The following XPO1 variants were observed in gnomAD, a reference collection of about 807,000 sequenced individuals.
The protein encoded by XPO1 is exportin-1.
In XPO1, 5 loss-of-function variants were observed where a neutral mutation model predicts 133.3. The ratio of observed to expected loss-of-function variants is 0.04; its 90% confidence interval spans 0.02 to 0.08. XPO1 has a LOEUF of 0.08. XPO1 is among the 10% of genes least tolerant of loss of function. The pLI, the probability that XPO1 is intolerant of heterozygous loss-of-function variation, is 1.00. For missense variants in XPO1, 506 were observed against 1,267.5 expected, an observed-to-expected ratio of 0.40 and a Z score of 9.12; for synonymous variants, 419 against 408.2, an observed-to-expected ratio of 1.03 and a Z score of -0.32.
chr2:61,488,798 T>G (rs750213130), intron 17 of XPO1, 27 bp from the exon 18 acceptor site: 2 of 1,610,012 alleles, frequency 1.2e-6, no homozygotes, highest in Non-Finnish European at 1.7e-6. Flanking sequence ...CAAATTCCAT[T>G]TATCATATAA....
intron 4 of XPO1, among the ~76,000 whole-genome samples, chr2:61,519,600 G>A (rs1698583566): frequency 6.8e-6 from 1 of 147,190 alleles, no homozygotes; most frequent in South Asian, 2.1e-4. Context: ...TCAGGAGGCT[G>A]AGACAGGAGA....
At position 61,538,259 on chromosome 2, in the gene XPO1, A is replaced by G. The variant is rs1699443874; in HGVS notation, c.-704T>C. The G allele has an allele frequency of 6.3e-6, 1 of 157,754 alleles. No individual in the cohort carries two copies. The highest frequency in any genetic ancestry group is 1.4e-5 in the Non-Finnish European group (1 of 71,768). 9.8% of individuals were successfully genotyped at this position (157,754 alleles called of 1,614,324 possible). A position where few individuals can be genotyped will look rare whatever the true frequency, so the allele number is the denominator to read the frequency against. Reference sequence around the variant, plus strand: ...TGCAGCCGCTTCTCCCCCTCCTCCTAGTGCCTCAAACTCGGAACCGGTTGA... The same window carrying G: ...TGCAGCCGCTTCTCCCCCTCCTCCTGGTGCCTCAAACTCGGAACCGGTTGA... On this transcript the variant is annotated 5_prime_UTR_variant, in exon 1 of 25. An upstream open reading frame in the 5' UTR loses its in-frame stop. Transcript: ENST00000401558.
chr2:61,516,640 C>T (rs569485777), intron 4 of XPO1, among the ~76,000 whole-genome samples: 103 of 152,040 alleles, frequency 6.8e-4, no homozygotes, highest in African/African-American at 2.2e-3. Flanking sequence ...TCTCGAACTC[C>T]GGACCTCAGG....
chr2:61,531,743 G>A (rs994451371), intron 2 of XPO1, among the ~76,000 whole-genome samples: 4 of 152,192 alleles, frequency 2.6e-5, no homozygotes, highest in African/African-American at 7.2e-5. Flanking sequence ...ATGCATCCAT[G>A]CTAGAAGAAA....
In XPO1 at chr2:61,493,963, C is replaced by G. The variant is rs987356613; in HGVS notation, c.1176G>C (p.Pro392=). 1.2e-6 allele frequency: 2 copies of G among 1,613,944 alleles called. No homozygotes were observed. The highest frequency in any genetic ancestry group is 1.7e-6 in the Non-Finnish European group (2 of 1,180,018). ...CAAAATGTTGACTTCCAGAAAGCAACGGAGAGGCAGATGTAGAGAATGGAC... is the reference window on the plus strand; with the variant it reads ...CAAAATGTTGACTTCCAGAAAGCAAGGGAGAGGCAGATGTAGAGAATGGAC... The part of the protein sequence containing the change: ...RESPFSTSAS[P]LLSGSQHFDV... Residue 392 remains proline, a synonymous_variant, in exon 12 of 25, where the codon CCG becomes CCC. Coordinates refer to ENST00000401558, the MANE Select transcript of XPO1 (RefSeq NM_003400.4).
intron 24 of XPO1, 100 bp from the exon 25 acceptor site, chr2:61,479,066 T>G: frequency 7.2e-7 from 1 of 1,382,030 alleles, no homozygotes; most frequent in Non-Finnish European, 9.8e-7. Flanking sequence ...GGAAGGAATA[T>G]AAATTATCCA....
chr2:61,500,667 C>T (rs1348316882), intron 6 of XPO1, among the ~76,000 whole-genome samples: 5 of 150,228 alleles, frequency 3.3e-5, no homozygotes, highest in African/African-American at 7.4e-5. Context: ...GGGGTGGTGG[C>T]GCGGGCCAGT....
At chr2:61,499,942 A>G (rs769393485) in intron 6 of XPO1, 48 bp from the exon 7 acceptor site, 1 of 1,559,202 alleles carries the variant, frequency 6.4e-7, no homozygotes, top group Non-Finnish European at 8.7e-7. Context: ...CTCAAAGGCA[A>G]ATAAAACAAA....
intron 4 of XPO1, among the ~76,000 whole-genome samples, chr2:61,503,704 G>A (rs1194223406): frequency 2.6e-5 from 4 of 152,156 alleles, no homozygotes; most frequent in East Asian, 1.9e-4. Flanking sequence ...GATTACAGGC[G>A]TGAGCCACTG....
intron 24 of XPO1, among the ~76,000 whole-genome samples, chr2:61,479,921 G>A (rs1032385866): frequency 1.3e-5 from 2 of 151,952 alleles, no homozygotes; most frequent in African/African-American, 4.8e-5. Context: ...CTGGCGTGCA[G>A]TGTTATGATC....
At chr2:61,514,753 T>A (rs1473253267) in intron 4 of XPO1, among the ~76,000 whole-genome samples, 3 of 152,066 alleles carry the variant, frequency 2.0e-5, no homozygotes, top group Non-Finnish European at 4.4e-5. Context: ...CACTTTGGAA[T>A]ACAGTTGGAT....
At chr2:61,528,874 C>T (rs1339531546) in intron 2 of XPO1, among the ~76,000 whole-genome samples, 1 of 151,118 alleles carries the variant, frequency 6.6e-6, no homozygotes, top group Non-Finnish European at 1.5e-5. Flanking sequence ...ATCTTTTTCA[C>T]TTTTGTATCT....
At position 61,482,375 on chromosome 2, in the gene XPO1, T is replaced by C. The variant is rs1188039446; in HGVS notation, c.2972+5A>G. 6.2e-7 allele frequency: 1 copy of C among 1,603,412 alleles called. No individual in the cohort carries two copies. Among genetic ancestry groups the C allele is most frequent in the Non-Finnish European group, 8.5e-7 (1 of 1,175,686 alleles). ...CATTCTACGTTTATTAAAAGGTATA[T>C]TTACTCTTGTAGGTGAGGGAAGGCC... is the stretch of plus-strand genomic sequence containing the variant. On this transcript the variant is annotated splice_donor_5th_base_variant and intron_variant, in intron 23 of 24. Transcript: ENST00000401558.
intron 6 of XPO1, 43 bp downstream of exon 6, chr2:61,501,953 T>G (rs1442545085): frequency 1.1e-5 from 16 of 1,494,958 alleles, no homozygotes; most frequent in Non-Finnish European, 1.8e-6. Flanking sequence ...GTTCAAATAA[T>G]AAGCATAATT....
At chr2:61,526,088 G>C (rs1307127601) in intron 3 of XPO1, 3 of 1,128,226 alleles carry the variant, frequency 2.7e-6, no homozygotes, top group Non-Finnish European at 3.3e-6. Flanking sequence ...TTGATTACTT[G>C]CCCAAAATAA....
intron 11 of XPO1, among the ~76,000 whole-genome samples, chr2:61,494,994 AC>A (rs535878086): frequency 6.6e-6 from 1 of 151,970 alleles, no homozygotes; most frequent in South Asian, 2.1e-4. Flanking sequence ...GTCATGTGAC[AC>A]CACGCACAGC....
chr2:61,515,483 G>A (rs887712973), intron 4 of XPO1, among the ~76,000 whole-genome samples: 2 of 152,050 alleles, frequency 1.3e-5, no homozygotes, highest in Admixed American at 6.6e-5. Flanking sequence ...TTTTGAGACT[G>A]GTATATGGCA....
intron 3 of XPO1, among the ~76,000 whole-genome samples, chr2:61,524,878 A>G (rs544699290): frequency 6.6e-6 from 1 of 152,174 alleles, no homozygotes; most frequent in South Asian, 2.1e-4. Context: ...TAATCACACC[A>G]CTGCACTCCA....
chr2:61,504,348 T>A (rs1304391405), intron 4 of XPO1, among the ~76,000 whole-genome samples: 1 of 152,192 alleles, frequency 6.6e-6, no homozygotes, highest in Non-Finnish European at 1.5e-5. Context: ...TTGCAGAATG[T>A]TAAATTCTGA....
Sources: allele counts gnomAD v4.1 joint callset (sites outside exome capture counted in the v4.1 genomes callset), GRCh38; gene constraint gnomAD v4.1.1; transcripts MANE v1.5; gene names NCBI Gene and HGNC (gene_info 2026-07-23, HGNC 2026-07-21).